Variants in COL5A1 observed in about 807,000 individuals in gnomAD.
COL5A1 encodes the protein collagen type V alpha 1 chain, also known as collagen alpha-1(V) chain.
COL5A1 carries 16 observed loss-of-function variants against 263.7 expected under a neutral mutation model. That is an observed-to-expected ratio of 0.06 (90% confidence interval 0.04 to 0.09). The LOEUF (loss-of-function observed/expected upper bound fraction) is 0.09, where lower values mean the gene tolerates loss of function less well. Among genes scored for constraint, COL5A1 ranks in the 10% least tolerant of loss-of-function variants. COL5A1 has a pLI of 1.00. For synonymous variants in COL5A1, 1,012 were observed against 1,004.5 expected (o/e 1.01, Z -0.14); for missense variants, 2,036 against 2,540.5 (o/e 0.80, Z 4.27).
intron 11 of COL5A1, among the ~76,000 whole-genome samples, chr9:134,748,000 T>C (rs1181030771): frequency 5.3e-4 from 43 of 80,412 alleles, no homozygotes; most frequent in Middle Eastern, 0.012. Flanking sequence ...CACACACACA[T>C]ACACATGCAT....
intron 27 of COL5A1, among the ~76,000 whole-genome samples, chr9:134,775,609 C>T (rs555529396): frequency 2.6e-5 from 4 of 152,314 alleles, no homozygotes; most frequent in South Asian, 4.1e-4. Context: ...TCTCTGGACA[C>T]GGCACGTTCT....
intron 4 of COL5A1, among the ~76,000 whole-genome samples, chr9:134,717,134 G>A (rs1249644501): frequency 6.6e-6 from 1 of 152,116 alleles, no homozygotes; most frequent in Non-Finnish European, 1.5e-5. Context: ...CAGCTGGAAT[G>A]GGGGGATCTG....
chr9:134,775,014 C>T, intron 27 of COL5A1, 102 bp downstream of exon 27: 1 of 1,100,914 alleles, frequency 9.1e-7, no homozygotes, highest in Non-Finnish European at 1.4e-6. Context: ...GTTTAATGTC[C>T]CTGCTATTCA....
intron 1 of COL5A1, among the ~76,000 whole-genome samples, chr9:134,670,431 G>A (rs1832504509): frequency 1.3e-5 from 2 of 152,194 alleles, no homozygotes. Context: ...AAACCCAGGT[G>A]GACCCCATGT....
intron 1 of COL5A1, among the ~76,000 whole-genome samples, chr9:134,659,966 A>G (rs1205728475): frequency 1.3e-5 from 2 of 152,156 alleles, no homozygotes; most frequent in African/African-American, 4.8e-5. Flanking sequence ...GCCAAGGAGA[A>G]ATGGGGCCCA....
intron 1 of COL5A1, among the ~76,000 whole-genome samples, chr9:134,671,796 C>G (rs1328691791): frequency 6.6e-6 from 1 of 152,230 alleles, no homozygotes; most frequent in Non-Finnish European, 1.5e-5. Flanking sequence ...GGGCCAATTT[C>G]CTTGTATTTC....
At chr9:134,764,034 C>T (rs1836564119) in intron 20 of COL5A1, among the ~76,000 whole-genome samples, 1 of 33,704 alleles carries the variant, frequency 3.0e-5, no homozygotes, top group Non-Finnish European at 5.6e-5. Context: ...TGTGGGGAGT[C>T]GGGGGCAGTA....
Position 134,762,635 on chromosome 9 carries a change from C to T in COL5A1, c.1989+657C>T, listed in dbSNP as rs140314957. On this transcript the variant is annotated intron_variant, in intron 19 of 65. Transcript: ENST00000371817. The stretch of plus-strand genomic sequence containing the variant: ...GGGTTTCCAAGCTCTTCCCTGCAGG[C>T]ACCGCAGTCACTCAGACGCCTTCTT... 3.2e-3 allele frequency among the ~76,000 whole-genome samples: 495 copies of T among 152,308 alleles called. 3 individuals are homozygous for T. Among genetic ancestry groups the T allele is most frequent in the Non-Finnish European group, 4.6e-3 (312 of 68,020 alleles).
chr9:134,753,803 C>G (rs79679217), intron 14 of COL5A1, 47 bp from the exon 15 acceptor site: 1 of 1,259,062 alleles, frequency 7.9e-7, no homozygotes, highest in Non-Finnish European at 1.1e-6. Flanking sequence ...CCTGTGTTCT[C>G]GAGTCCCCAC....
In COL5A1 at chr9:134,842,592, G is replaced by A; in HGVS notation, c.*289G>A. The A allele has an allele frequency of 3.7e-6, 2 of 544,810 alleles. No homozygotes were observed. Among genetic ancestry groups the A allele is most frequent in the Non-Finnish European group, 6.6e-6 (2 of 302,516 alleles). The allele number at this position is 544,810 out of a possible 1,614,324, so 33.7% of individuals were successfully genotyped here. On this transcript the variant is annotated 3_prime_UTR_variant, in exon 66 of 66. Coordinates refer to ENST00000371817, the MANE Select transcript of COL5A1 (RefSeq NM_000093.5). The surrounding 1 kb of genome is among the most constrained non-coding windows in gnomAD (Gnocchi z 5.8). Reference sequence around the variant, plus strand: ...CCACGCGCCCCGGGAGCGGGGCCATGCCTCCAGCCCCCCAGCTCGCCCGAC... The same window carrying A: ...CCACGCGCCCCGGGAGCGGGGCCATACCTCCAGCCCCCCAGCTCGCCCGAC...
chr9:134,714,742 G>T (rs1454316777), intron 4 of COL5A1, among the ~76,000 whole-genome samples: 1 of 151,184 alleles, frequency 6.6e-6, no homozygotes, highest in Non-Finnish European at 1.5e-5. Flanking sequence ...TGGAGGTGGT[G>T]ATGGAGGTGA....
chr9:134,743,619 C>T (rs1835370337), intron 11 of COL5A1, among the ~76,000 whole-genome samples: 1 of 152,184 alleles, frequency 6.6e-6, no homozygotes, highest in South Asian at 2.1e-4. Flanking sequence ...GCACCTCGCT[C>T]CCTGCACAGT....
At chr9:134,658,511 A>G (rs1207138894) in intron 1 of COL5A1, among the ~76,000 whole-genome samples, 1 of 151,848 alleles carries the variant, frequency 6.6e-6, no homozygotes, top group Non-Finnish European at 1.5e-5. Flanking sequence ...GGGCCCCTTC[A>G]CATGCATACG....
intron 9 of COL5A1, among the ~76,000 whole-genome samples, chr9:134,737,351 G>A (rs943532162): frequency 1.2e-4 from 18 of 152,198 alleles, no homozygotes; most frequent in African/African-American, 4.1e-4. Flanking sequence ...TTGGCTGGGC[G>A]GCTGACGGGT....
chr9:134,822,007 A>C, intron 58 of COL5A1, 90 bp from the exon 59 acceptor site: 1 of 1,128,328 alleles, frequency 8.9e-7, no homozygotes, highest in South Asian at 1.2e-5. Context: ...GGGACAGGGG[A>C]GCCGAGGGGT....
In COL5A1 at chr9:134,812,236, T is replaced by C. The variant is rs13293801; in HGVS notation, c.3691-213T>C. On this transcript the variant is annotated intron_variant, in intron 46 of 65. Coordinates refer to ENST00000371817, the MANE Select transcript of COL5A1 (RefSeq NM_000093.5). ...GTTCCTGCCATAATCACCTTTGTCG[T>C]AAATCTTTGCAATCTTCTCTGCTTA... Among the ~76,000 whole-genome samples, 5,831 of 152,332 alleles carry C rather than the reference T, an allele frequency of 0.038. 144 individuals are homozygous for C. Among genetic ancestry groups the C allele is most frequent in the Non-Finnish European group, 0.057 (3,884 of 68,024 alleles).
At position 134,739,226 on chromosome 9, in the gene COL5A1, A is replaced by G. The variant is rs1029322103; in HGVS notation, c.1494+418A>G. 8.5e-5 allele frequency among the ~76,000 whole-genome samples: 13 copies of G among 152,332 alleles called. No individual in the cohort carries two copies. The Middle Eastern group carries it at 0.01, about 120-fold the overall frequency. On this transcript the variant is annotated intron_variant, in intron 11 of 65. Transcript: ENST00000371817. ...TTGGTCTGGGTTGCACCTGGCTCACAGGCTCAGAGGCATCCTCGGGTGTCC... is the reference window on the plus strand; with the variant it reads ...TTGGTCTGGGTTGCACCTGGCTCACGGGCTCAGAGGCATCCTCGGGTGTCC...
intron 62 of COL5A1, among the ~76,000 whole-genome samples, chr9:134,825,488 C>G (rs1047131924): frequency 6.6e-6 from 1 of 152,126 alleles, no homozygotes; most frequent in South Asian, 2.1e-4. Context: ...CTTCCAGAAC[C>G]CTCTCTGCAT....
chr9:134,826,619 TAGATG>T (rs1421153889), intron 63 of COL5A1, among the ~76,000 whole-genome samples: 6 of 131,440 alleles, frequency 4.6e-5, no homozygotes, highest in African/African-American at 2.1e-4. Flanking sequence ...GGTGTGTGTG[TAGATG>T]GCATGTGGAT....
Sources: gnomAD v4.1 joint callset for allele counts (sites outside exome capture counted in the v4.1 genomes callset) on GRCh38, gnomAD v4.1.1 for gene constraint, Gnocchi (gnomAD v3.1) non-coding constraint, MANE v1.5 for transcripts, NCBI Gene and HGNC (gene_info 2026-07-23, HGNC 2026-07-21) for gene names.